The following NXF2 variants were observed in gnomAD, a reference collection of about 807,000 sequenced individuals.
The protein encoded by NXF2 is TAP-like protein 2.
intron 2 of NXF2, among the ~76,000 whole-genome samples, chrX:102,298,385 C>T (rs1934003152): frequency 3.9e-5 from 1 of 25,648 alleles, no homozygotes; most frequent in Non-Finnish European, 6.7e-5. Flanking sequence ...TCAGTGGCTG[C>T]TTGGGGCAGC....
chrX:102,293,999 T>C (rs1319839054), intron 2 of NXF2, among the ~76,000 whole-genome samples: 1 of 70,029 alleles, frequency 1.4e-5, no homozygotes, highest in Non-Finnish European at 2.4e-5. Flanking sequence ...CACCCAGGGG[T>C]GACCTTTAAA....
rs1450695971 is a variant in NXF2, at chrX:102,282,301, G to A, written c.-53-24725G>A. Among the ~76,000 whole-genome samples, 131 of 114,104 alleles carry A rather than the reference G, an allele frequency of 1.1e-3. No homozygotes were observed. In the East Asian group the frequency reaches 0.033, roughly 29 times the overall value. On this transcript the variant is annotated intron_variant, in intron 2 of 22. Transcript: ENST00000625106. The stretch of plus-strand genomic sequence containing the variant: ...GGGGGGCATGAGCTGAGTTTGGTCC[G>A]GTTTTCCTTTCTGCTCTAACAGGAT...
intron 2 of NXF2, among the ~76,000 whole-genome samples, chrX:102,289,666 TCC>T (rs1346561816): frequency 0.34 from 27,125 of 78,959 alleles, 5,778 homozygotes; most frequent in East Asian, 0.87. Context: ...CAGCACCATT[TCC>T]AAAATAGGGA....
In NXF2 at chrX:102,285,940, TG is replaced by T. The variant is rs1354606697; in HGVS notation, c.-53-21085del. ...ATGGTTTTTTTTGTTTGTTTGTTTT[TG>T]TTTTTTTTTTTTTTTCTGGACTCTG... On this transcript the variant is annotated intron_variant, in intron 2 of 22. Coordinates refer to ENST00000625106, the MANE Select transcript of NXF2 (RefSeq NM_022053.4). Among the ~76,000 whole-genome samples the T allele has an allele frequency of 2.2e-4, 7 of 32,344 alleles. No homozygotes were observed. In the East Asian group the frequency reaches 0.02, roughly 92 times the overall value. 28.1% of individuals were successfully genotyped at this position (32,344 alleles called of 115,157 possible).
chrX:102,298,607 G>A (rs1341557110), intron 2 of NXF2, among the ~76,000 whole-genome samples: 4 of 90,278 alleles, frequency 4.4e-5, no homozygotes, highest in African/African-American at 8.1e-5. Context: ...ACCCTCAAGC[G>A]TATTCATGTG....
chrX:102,281,792 TAA>T (rs1451357741), intron 2 of NXF2, among the ~76,000 whole-genome samples: 2 of 70,931 alleles, frequency 2.8e-5, no homozygotes, highest in Non-Finnish European at 5.0e-5. Flanking sequence ...AGGACTCACC[TAA>T]GAGTTGCAGT....
At chrX:102,282,438 A>G (rs1335807930) in intron 2 of NXF2, among the ~76,000 whole-genome samples, 2 of 113,198 alleles carry the variant, frequency 1.8e-5, no homozygotes, top group Non-Finnish European at 3.8e-5. Flanking sequence ...GGCGTCGGTA[A>G]TTCAGGACTA....
chrX:102,298,464 A>C (rs797022862), intron 2 of NXF2, among the ~76,000 whole-genome samples: 25 of 27,628 alleles, frequency 9.0e-4, no homozygotes, highest in Non-Finnish European at 1.3e-3. Context: ...TGAGTTATGC[A>C]AAAAAAAAAA....
intron 2 of NXF2, among the ~76,000 whole-genome samples, chrX:102,285,941 G>GT (rs541008665): frequency 1.7e-3 from 57 of 33,928 alleles, no homozygotes; most frequent in East Asian, 3.1e-3. Context: ...GTTTGTTTTT[G>GT]TTTTTTTTTT....
At chrX:102,252,196 T>C (rs1204427088) in intron 2 of NXF2, among the ~76,000 whole-genome samples, 1 of 73,573 alleles carries the variant, frequency 1.4e-5, no homozygotes, top group Non-Finnish European at 2.6e-5. Context: ...TTTCACCATT[T>C]TGGCCAGGCT....
Sources: allele counts gnomAD v4.1 joint callset (sites outside exome capture counted in the v4.1 genomes callset), GRCh38; gene constraint gnomAD v4.1.1; transcripts MANE v1.5; gene names NCBI Gene and HGNC (gene_info 2026-07-23, HGNC 2026-07-21).